KIRREL1: variants seen among roughly 807,000 people sequenced by gnomAD.
KIRREL1 encodes kirre like nephrin family adhesion molecule 1.
KIRREL1 carries 25 observed loss-of-function variants against 83.3 expected under a neutral mutation model. That is an observed-to-expected ratio of 0.30 (90% CI 0.22 to 0.42). The LOEUF (loss-of-function observed/expected upper bound fraction) is 0.42, where lower values mean the gene tolerates loss of function less well. KIRREL1 is among the 10% of genes least tolerant of loss of function. KIRREL1 has a pLI of 1.00. For synonymous variants in KIRREL1, 388 were observed against 410.4 expected (o/e 0.95, Z 0.66); for missense variants, 812 against 1,032.3 (o/e 0.79, Z 2.92).
intron 1 of KIRREL1, among the ~76,000 whole-genome samples, chr1:158,041,044 C>T (rs566657240): frequency 6.6e-6 from 1 of 152,240 alleles, no homozygotes; most frequent in South Asian, 2.1e-4. Flanking sequence ...AAACTACAAC[C>T]AGTCAAGCAA....
chr1:158,090,326 T>C (rs1297611070), intron 10 of KIRREL1, among the ~76,000 whole-genome samples: 5 of 151,966 alleles, frequency 3.3e-5, no homozygotes, highest in Non-Finnish European at 7.4e-5. Context: ...CTTCTCTCCC[T>C]CCTCCTGCCT....
At chr1:158,050,747 A>C (rs941940864) in intron 1 of KIRREL1, among the ~76,000 whole-genome samples, 1 of 151,764 alleles carries the variant, frequency 6.6e-6, no homozygotes, top group African/African-American at 2.4e-5. Context: ...CAGCTGTGTG[A>C]CCTCAGGAGA....
intron 3 of KIRREL1, among the ~76,000 whole-genome samples, chr1:158,080,613 G>T (rs1661820708): frequency 6.6e-6 from 1 of 152,180 alleles, no homozygotes; most frequent in South Asian, 2.1e-4. Context: ...GACAGGGACG[G>T]TTAGTGCAGC....
Position 158,089,543 on chromosome 1 carries a change from T to C in KIRREL1, c.1086T>C (p.Thr362=). ...ACCAGCTGCTGCTGAAGTCGGTGAC[T>C]CAGGCAGACGCTGGCACCTACACCT... is the stretch of plus-strand genomic sequence containing the variant. ...NSNQLLLKSV[T]QADAGTYTCR... Residue 362 remains threonine, a synonymous_variant, in exon 9 of 15, where the codon ACT becomes ACC. Coordinates refer to ENST00000359209, the MANE Select transcript of KIRREL1 (RefSeq NM_018240.7). 1 of 1,614,206 alleles carries C rather than the reference T, an allele frequency of 6.2e-7. No homozygotes were observed. Among genetic ancestry groups the C allele is most frequent in the Non-Finnish European group, 8.5e-7 (1 of 1,180,036 alleles).
intron 1 of KIRREL1, among the ~76,000 whole-genome samples, chr1:158,026,332 A>G (rs1162864912): frequency 6.6e-6 from 1 of 152,044 alleles, no homozygotes; most frequent in African/African-American, 2.4e-5. Flanking sequence ...TAATGTATAG[A>G]AGCTAGGTCT....
At chr1:158,088,284 A>G (rs764377272) in intron 7 of KIRREL1, 43 bp from the exon 8 acceptor site, 5 of 1,601,304 alleles carry the variant, frequency 3.1e-6, no homozygotes, top group Non-Finnish European at 4.3e-6. Context: ...AGTTAACCCC[A>G]TGAGCTTGAG....
At chr1:158,004,620 G>A (rs1571527824) in intron 1 of KIRREL1, among the ~76,000 whole-genome samples, 5 of 152,242 alleles carry the variant, frequency 3.3e-5, no homozygotes, top group African/African-American at 1.2e-4. Flanking sequence ...CTCTCAGGAC[G>A]GTGTACAGTA....
rs145082930 is a variant in KIRREL1, at chr1:158,074,696, G to A, written c.53-1417G>A. Among the ~76,000 whole-genome samples, 104 of 152,282 alleles carry A rather than the reference G, an allele frequency of 6.8e-4. No homozygotes were observed. The East Asian group carries it at 0.019, about 28-fold the overall frequency. On this transcript the variant is annotated intron_variant, in intron 1 of 14. Coordinates refer to ENST00000359209, the MANE Select transcript of KIRREL1 (RefSeq NM_018240.7). Reference sequence around the variant, plus strand: ...GCTTCCTGGAAGAGGGACATGTAGAGCAGGTTTGAGGAAAAAAGGAGAAAT... The same window carrying A: ...GCTTCCTGGAAGAGGGACATGTAGAACAGGTTTGAGGAAAAAAGGAGAAAT...
At chr1:158,076,662 C>G (rs1025264042) in intron 2 of KIRREL1, among the ~76,000 whole-genome samples, 1 of 152,140 alleles carries the variant, frequency 6.6e-6, no homozygotes, top group African/African-American at 2.4e-5. Flanking sequence ...GCAAGTGTCT[C>G]ATGCCGGCCT....
intron 1 of KIRREL1, among the ~76,000 whole-genome samples, chr1:158,075,021 C>A (rs1184264830): frequency 2.6e-5 from 4 of 152,126 alleles, no homozygotes; most frequent in Admixed American, 6.5e-5. Flanking sequence ...AGTCCCAGAA[C>A]TCTCCTTTGC....
At chr1:158,077,279 T>C (rs567389332) in intron 2 of KIRREL1, among the ~76,000 whole-genome samples, 2 of 152,112 alleles carry the variant, frequency 1.3e-5, no homozygotes, top group East Asian at 1.9e-4. Context: ...CTATTGATGA[T>C]AGAAAGAGAA....
intron 1 of KIRREL1, among the ~76,000 whole-genome samples, chr1:158,009,992 T>G (rs995896442): frequency 1.3e-5 from 2 of 152,210 alleles, no homozygotes; most frequent in Non-Finnish European, 2.9e-5. Flanking sequence ...GCCCCATTTG[T>G]GCCTCTACTG....
chr1:158,020,600 C>CAAAAA (rs370156588), intron 1 of KIRREL1, among the ~76,000 whole-genome samples: 51,271 of 83,636 alleles, frequency 0.61, 17,573 homozygotes, highest in Non-Finnish European at 0.69. Flanking sequence ...TACAGTAAAT[C>CAAAAA]AAAAAAAAAA....
At chr1:158,020,353 CT>C (rs1174318600) in intron 1 of KIRREL1, among the ~76,000 whole-genome samples, 1 of 152,094 alleles carries the variant, frequency 6.6e-6, no homozygotes, top group Non-Finnish European at 1.5e-5. Flanking sequence ...CCCCATGCCA[CT>C]TTCTTAAGGT....
chr1:158,063,143 G>A (rs1281401153), intron 1 of KIRREL1, among the ~76,000 whole-genome samples: 2 of 152,120 alleles, frequency 1.3e-5, no homozygotes, highest in East Asian at 1.9e-4. Context: ...CATTCTGGCC[G>A]ATAAATGTGC....
intron 3 of KIRREL1, among the ~76,000 whole-genome samples, chr1:158,081,922 C>T (rs1055617291): frequency 3.6e-4 from 55 of 152,198 alleles, no homozygotes; most frequent in African/African-American, 1.3e-3. Flanking sequence ...GGCATGTTGT[C>T]TGCTCGGGGC....
At chr1:158,081,748 G>A (rs921027071) in intron 3 of KIRREL1, among the ~76,000 whole-genome samples, 7 of 152,150 alleles carry the variant, frequency 4.6e-5, no homozygotes, top group African/African-American at 9.7e-5. Context: ...ATGAGCTCAC[G>A]GAGGATGGGC....
chr1:158,012,795 G>A (rs1249442211), intron 1 of KIRREL1, among the ~76,000 whole-genome samples: 2 of 152,254 alleles, frequency 1.3e-5, no homozygotes, highest in Admixed American at 1.3e-4. Flanking sequence ...CTCAACAAAT[G>A]TGAGATAAAT....
chr1:158,088,089 C>T lies in KIRREL1; in HGVS notation c.851C>T (p.Pro284Leu), dbSNP rs1227239910. 1 of 1,614,028 alleles carries T rather than the reference C, an allele frequency of 6.2e-7. No homozygotes were observed. The highest frequency in any genetic ancestry group is 1.3e-5 in the African/African-American group (1 of 74,896). ...GTGGATTATTCCTTTTTCACGGAGC[C>T]TGTGTCTTGTGAGGTTCACAACAAA... is the stretch of plus-strand genomic sequence containing the variant. ...TNVDYSFFTE[P>L]VSCEVHNKVG... is the part of the protein sequence containing the mutation. Residue 284 changes from proline to leucine, a missense_variant, in exon 7 of 15, where the codon CCT becomes CTT. Physicochemically the swap from Pro to Leu is moderately conservative, Grantham distance 98. This residue lies in a region of KIRREL1 where 472 missense variants were observed against 626.8 expected (regional missense o/e 0.75). Coordinates refer to ENST00000359209, the MANE Select transcript of KIRREL1 (RefSeq NM_018240.7).
Sources: allele counts gnomAD v4.1 joint callset (sites outside exome capture counted in the v4.1 genomes callset), GRCh38; gene constraint gnomAD v4.1.1; regional missense constraint gnomAD v4.1.1; transcripts MANE v1.5; gene names NCBI Gene and HGNC (gene_info 2026-07-23, HGNC 2026-07-21).